The following FGD4 variants were observed in gnomAD, a reference collection of about 807,000 sequenced individuals.
FGD4 encodes FYVE, RhoGEF and PH domain containing 4.
In FGD4, 42 loss-of-function variants were observed where a neutral mutation model predicts 102.0. The ratio of observed to expected loss-of-function variants is 0.41; its 90% CI spans 0.32 to 0.53. The LOEUF (loss-of-function observed/expected upper bound fraction) is 0.53. Ranked by LOEUF, FGD4 falls within the 20% of genes least tolerant of loss-of-function variation. The pLI, the probability that FGD4 is intolerant of heterozygous loss-of-function variation, is 0.21. For synonymous variants in FGD4, 380 were observed against 375.7 expected (o/e 1.01, Z -0.13); for missense variants, 902 against 1,078.2 (o/e 0.84, Z 2.29).
chr12:32,628,231 T>G (rs1195399439), intron 14 of FGD4, among the ~76,000 whole-genome samples: 1 of 152,098 alleles, frequency 6.6e-6, no homozygotes, highest in South Asian at 2.1e-4. Context: ...AAGGAGATGC[T>G]AACTCAGTAG....
At chr12:32,415,414 C>CTTT (rs34612851) in intron 1 of FGD4, among the ~76,000 whole-genome samples, 3 of 89,626 alleles carry the variant, frequency 3.3e-5, no homozygotes. Flanking sequence ...ATCTGTCTCT[C>CTTT]TTTTTTTTTT....
chr12:32,469,578 G>A (rs2136514353), intron 1 of FGD4, among the ~76,000 whole-genome samples: 1 of 151,994 alleles, frequency 6.6e-6, no homozygotes, highest in African/African-American at 2.4e-5. Flanking sequence ...ACCACGTCCG[G>A]CCATTTGCTA....
intron 1 of FGD4, among the ~76,000 whole-genome samples, chr12:32,489,896 A>C (rs1318921579): frequency 6.6e-6 from 1 of 152,188 alleles, no homozygotes; most frequent in African/African-American, 2.4e-5. Context: ...TATTGTCAGA[A>C]TTATGAGCCA....
intron 1 of FGD4, among the ~76,000 whole-genome samples, chr12:32,474,058 A>C (rs1591971989): frequency 6.6e-6 from 1 of 151,924 alleles, no homozygotes; most frequent in South Asian, 2.1e-4. Context: ...ACTGCACTCC[A>C]GCCTGGGTGA....
chr12:32,446,025 G>C (rs143451691), intron 1 of FGD4, among the ~76,000 whole-genome samples: 1 of 152,084 alleles, frequency 6.6e-6, no homozygotes, highest in Non-Finnish European at 1.5e-5. Context: ...AAGTTAGCCC[G>C]GTGTGTAGTC....
chr12:32,473,999 A>G (rs1365132346), intron 1 of FGD4, among the ~76,000 whole-genome samples: 1 of 151,772 alleles, frequency 6.6e-6, no homozygotes, highest in Non-Finnish European at 1.5e-5. Flanking sequence ...GAGGCAGGAG[A>G]ACGGCGTGAA....
intron 4 of FGD4, among the ~76,000 whole-genome samples, chr12:32,590,486 A>G (rs916809647): frequency 2.0e-5 from 3 of 152,074 alleles, no homozygotes; most frequent in South Asian, 2.1e-4. Context: ...TTATTTGACC[A>G]TGAAACCTGT....
chr12:32,579,318 ACCGGCGTGAGCTACCGTGC>A (rs1233756562), intron 3 of FGD4, among the ~76,000 whole-genome samples: 1 of 152,056 alleles, frequency 6.6e-6, no homozygotes, highest in Non-Finnish European at 1.5e-5. Flanking sequence ...TGCTGGGATT[ACCGGCGTGAGCTACCGTGC>A]CCGGCCGGAA....
intron 1 of FGD4, among the ~76,000 whole-genome samples, chr12:32,457,915 A>G: frequency 6.6e-6 from 1 of 152,268 alleles, no homozygotes; most frequent in East Asian, 1.9e-4. Context: ...TACTGAAATT[A>G]AATAATTAAA....
At chr12:32,559,401 C>T (rs950718135) in intron 1 of FGD4, among the ~76,000 whole-genome samples, 9 of 152,088 alleles carry the variant, frequency 5.9e-5, no homozygotes, top group South Asian at 2.1e-4. Flanking sequence ...CTTGCAGCCA[C>T]GTATGATCTC....
intron 1 of FGD4, among the ~76,000 whole-genome samples, chr12:32,453,480 T>C (rs1399630288): frequency 6.6e-6 from 1 of 151,752 alleles, no homozygotes; most frequent in Middle Eastern, 3.2e-3. Flanking sequence ...GTGATCCACC[T>C]GCCTCGGCAT....
intron 4 of FGD4, among the ~76,000 whole-genome samples, chr12:32,596,299 T>G (rs1282524458): frequency 1.3e-5 from 2 of 152,196 alleles, no homozygotes; most frequent in Non-Finnish European, 2.9e-5. Context: ...GAAAAGCATC[T>G]TAGACACCTA....
intron 1 of FGD4, among the ~76,000 whole-genome samples, chr12:32,484,333 A>C (rs996754799): frequency 4.0e-5 from 6 of 150,788 alleles, no homozygotes; most frequent in African/African-American, 1.5e-4. Flanking sequence ...GTCCTCACCT[A>C]CTCTCAAAGT....
At chr12:32,475,520 A>G (rs749501168) in intron 1 of FGD4, among the ~76,000 whole-genome samples, 2 of 152,196 alleles carry the variant, frequency 1.3e-5, no homozygotes, top group Non-Finnish European at 2.9e-5. Flanking sequence ...CTTTTGGTCT[A>G]GTTATGTGAT....
At chr12:32,478,671 C>T (rs576561147) in intron 1 of FGD4, among the ~76,000 whole-genome samples, 4 of 152,340 alleles carry the variant, frequency 2.6e-5, no homozygotes, top group Admixed American at 1.3e-4. Flanking sequence ...TACTTTCCCA[C>T]ACCTGAGTAG....
Position 32,625,046 on chromosome 12 carries a change from A to G in FGD4, c.2024A>G (p.Asn675Ser), listed in dbSNP as rs1592452330. Residue 675 changes from asparagine (N) to serine (S), a missense_variant, in exon 13 of 17, where the codon AAT (asparagine) becomes AGT (serine). Physicochemically the swap from Asn to Ser is conservative, Grantham distance 46. This residue lies in a region of FGD4 where 459 missense variants were observed against 619.0 expected (regional missense o/e 0.74). Coordinates refer to ENST00000534526, the MANE Select transcript of FGD4 (RefSeq NM_001370298.3). ...TTCAGAAATGCAATTGCAAAGGATA[A>G]TGACATTCACTCAGAGGTTTCTGTG... is the stretch of plus-strand genomic sequence containing the variant. ...ETFRNAIAKD[N>S]DIHSEVSTAE... 2.5e-6 allele frequency: 4 copies of G among 1,613,030 alleles called. No homozygotes were observed. Among genetic ancestry groups the G allele is most frequent in the Non-Finnish European group, 3.4e-6 (4 of 1,179,338 alleles).
At chr12:32,555,935 C>G (rs1167593057) in intron 1 of FGD4, among the ~76,000 whole-genome samples, 1 of 152,034 alleles carries the variant, frequency 6.6e-6, no homozygotes, top group Non-Finnish European at 1.5e-5. Context: ...ACTGCAATCT[C>G]AAACTCCTGG....
Position 32,582,182 on chromosome 12 carries a change from G to A in FGD4, c.726G>A (p.Glu242=), listed in dbSNP as rs757847005. The A allele has an allele frequency of 3.7e-6, 6 of 1,614,016 alleles. No homozygotes were observed. The highest frequency in any genetic ancestry group is 5.1e-6 in the Non-Finnish European group (6 of 1,179,970). ...AAQNQMECEE[E]KAATLSSDTS... ...AAAACCAGATGGAATGTGAGGAGGA[G>A]AAAGCTGCCACTCTTAGCTCAGATA... is the stretch of plus-strand genomic sequence containing the variant. The change falls in exon 4 of 17, where the codon GAG becomes GAA. Residue 242 remains glutamate, a synonymous_variant. Transcript: ENST00000534526.
At chr12:32,613,970 C>T (rs1162882984) in intron 10 of FGD4, among the ~76,000 whole-genome samples, 1 of 152,126 alleles carries the variant, frequency 6.6e-6, no homozygotes, top group East Asian at 1.9e-4. Context: ...AAATGGGTAA[C>T]TAATTTTAAG....
Sources: allele counts gnomAD v4.1 joint callset (sites outside exome capture counted in the v4.1 genomes callset), GRCh38; gene constraint gnomAD v4.1.1; regional missense constraint gnomAD v4.1.1; transcripts MANE v1.5; gene names NCBI Gene and HGNC (gene_info 2026-07-23, HGNC 2026-07-21).